The following ROBO2 variants were observed in gnomAD, a reference collection of about 807,000 sequenced individuals.
The protein encoded by ROBO2 is roundabout guidance receptor 2, also known as roundabout homolog 2.
In ROBO2, 53 loss-of-function variants were observed where a neutral mutation model predicts 160.8. The observed-to-expected ratio is 0.33, with a 90% CI of 0.26 to 0.41. The LOEUF (loss-of-function observed/expected upper bound fraction) is 0.41. Ranked by LOEUF, ROBO2 falls within the 10% of genes least tolerant of loss-of-function variation. ROBO2 has a pLI of 1.00. For synonymous variants in ROBO2, 664 were observed against 611.7 expected (o/e 1.09, Z -1.26); for missense variants, 1,577 against 1,722.4 (o/e 0.92, Z 1.49).
chr3:77,430,777 C>A (rs886622706), intron 2 of ROBO2, among the ~76,000 whole-genome samples: 1 of 152,108 alleles, frequency 6.6e-6, no homozygotes, highest in African/African-American at 2.4e-5. Flanking sequence ...ATAAATTGCC[C>A]AGTGTAAGGT....
intron 2 of ROBO2, among the ~76,000 whole-genome samples, chr3:76,353,843 G>A (rs1156379421): frequency 2.6e-5 from 4 of 151,802 alleles, no homozygotes; most frequent in Non-Finnish European, 5.9e-5. Context: ...TCTTTTAGGC[G>A]AGACAGAGAC....
At chr3:76,948,758 T>G (rs563827689) in intron 2 of ROBO2, among the ~76,000 whole-genome samples, 4 of 142,800 alleles carry the variant, frequency 2.8e-5, no homozygotes, top group Non-Finnish European at 6.1e-5. Flanking sequence ...CAGGCTGGAG[T>G]GCAGTGGCGC....
intron 2 of ROBO2, among the ~76,000 whole-genome samples, chr3:76,104,172 T>TA (rs914516956): frequency 6.6e-6 from 1 of 152,196 alleles, no homozygotes; most frequent in Non-Finnish European, 1.5e-5. Flanking sequence ...CACCACATTT[T>TA]AAAAAGATAA....
chr3:76,229,162 G>T (rs966056986), intron 2 of ROBO2, among the ~76,000 whole-genome samples: 2 of 152,026 alleles, frequency 1.3e-5, no homozygotes, highest in African/African-American at 4.8e-5. Flanking sequence ...TACATTTAAT[G>T]TTGAATTATT....
At chr3:76,308,084 T>A (rs902657501) in intron 2 of ROBO2, among the ~76,000 whole-genome samples, 3 of 152,006 alleles carry the variant, frequency 2.0e-5, no homozygotes, top group Admixed American at 2.0e-4. Flanking sequence ...CAGGAAAGAA[T>A]TATCCCTACT....
chr3:77,131,123 G>T (rs1215693665), intron 2 of ROBO2, among the ~76,000 whole-genome samples: 3 of 152,090 alleles, frequency 2.0e-5, no homozygotes, highest in East Asian at 1.9e-4. Context: ...CTCTATGTGG[G>T]TATCATTTCT....
intron 2 of ROBO2, among the ~76,000 whole-genome samples, chr3:77,301,422 T>C (rs1433622802): frequency 6.6e-6 from 1 of 152,166 alleles, no homozygotes; most frequent in Admixed American, 6.6e-5. Context: ...GGCTCCTAAC[T>C]ACTTATATGA....
intron 2 of ROBO2, among the ~76,000 whole-genome samples, chr3:77,229,797 C>T (rs1483175107): frequency 6.6e-6 from 1 of 152,072 alleles, no homozygotes; most frequent in Non-Finnish European, 1.5e-5. Context: ...ATTTTTCTTC[C>T]TTCTAGGTGA....
chr3:76,321,010 C>T (rs554290905), intron 2 of ROBO2, among the ~76,000 whole-genome samples: 2 of 152,208 alleles, frequency 1.3e-5, no homozygotes, highest in African/African-American at 4.8e-5. Flanking sequence ...GATATACATG[C>T]ATTCATTCAA....
At chr3:76,987,362 G>C (rs1452601350) in intron 2 of ROBO2, among the ~76,000 whole-genome samples, 1 of 152,042 alleles carries the variant, frequency 6.6e-6, no homozygotes, top group Non-Finnish European at 1.5e-5. Context: ...GGGGGGGAGG[G>C]AATCATGCGT....
intron 2 of ROBO2, among the ~76,000 whole-genome samples, chr3:76,053,728 AC>A (rs1457184905): frequency 2.6e-5 from 4 of 152,000 alleles, no homozygotes; most frequent in African/African-American, 7.2e-5. Context: ...AACTTCTTCC[AC>A]CCATCTTTTT....
At chr3:76,203,111 A>C (rs1702616538) in intron 2 of ROBO2, among the ~76,000 whole-genome samples, 1 of 152,178 alleles carries the variant, frequency 6.6e-6, no homozygotes. Context: ...CAAAAATTTA[A>C]CTGATTGCCT....
chr3:75,935,395 T>C (rs541857966), intron 1 of ROBO2, among the ~76,000 whole-genome samples: 1 of 151,980 alleles, frequency 6.6e-6, no homozygotes, highest in African/African-American at 2.4e-5. Flanking sequence ...GCCTGTAGCC[T>C]GAGCTACTCG....
chr3:75,924,824 G>A (rs1392767945), intron 1 of ROBO2, among the ~76,000 whole-genome samples: 12 of 150,942 alleles, frequency 8.0e-5, no homozygotes, highest in East Asian at 2.0e-4. Context: ...GAGTAGCTGG[G>A]ACTACAGGCG....
intron 13 of ROBO2, among the ~76,000 whole-genome samples, chr3:77,573,720 T>G (rs1245077482): frequency 6.6e-6 from 1 of 152,058 alleles, no homozygotes; most frequent in East Asian, 1.9e-4. Context: ...ATCCTGCTCT[T>G]CTTGCCTATC....
At chr3:76,485,901 T>C (rs2079470543) in intron 2 of ROBO2, among the ~76,000 whole-genome samples, 1 of 152,188 alleles carries the variant, frequency 6.6e-6, no homozygotes, top group South Asian at 2.1e-4. Flanking sequence ...CTCACCATTC[T>C]AAACTCCAGA....
intron 1 of ROBO2, among the ~76,000 whole-genome samples, chr3:77,096,643 T>G (rs575678639): frequency 1.3e-5 from 2 of 152,064 alleles, no homozygotes; most frequent in South Asian, 2.1e-4. Context: ...AGATATGAGG[T>G]TTCACCATGT....
intron 2 of ROBO2, among the ~76,000 whole-genome samples, chr3:76,106,968 G>T (rs1211537534): frequency 6.6e-6 from 1 of 152,058 alleles, no homozygotes; most frequent in African/African-American, 2.4e-5. Flanking sequence ...TATCCTCTTT[G>T]TGTAGGTGTA....
At chr3:76,593,667 A>AT (rs772506996) in intron 2 of ROBO2, among the ~76,000 whole-genome samples, 1 of 152,016 alleles carries the variant, frequency 6.6e-6, no homozygotes, top group Non-Finnish European at 1.5e-5. Context: ...ATCATCTGAT[A>AT]TTTTTTCAGA....
Sources: allele counts gnomAD v4.1 joint callset (sites outside exome capture counted in the v4.1 genomes callset), GRCh38; gene constraint gnomAD v4.1.1; transcripts MANE v1.5; gene names NCBI Gene and HGNC (gene_info 2026-07-23, HGNC 2026-07-21).